MAGED2: variants seen among roughly 807,000 people sequenced by gnomAD.
MAGED2 encodes the protein melanoma-associated antigen D2.
A neutral mutation model predicts 41.7 loss-of-function variants in MAGED2; 6 were observed. The ratio of observed to expected loss-of-function variants is 0.14; its 90% CI spans 0.08 to 0.28. The LOEUF is 0.28. Ranked by LOEUF, MAGED2 falls within the 10% of genes least tolerant of loss-of-function variation. MAGED2 has a pLI of 1.00. For synonymous variants in MAGED2, 146 were observed against 178.2 expected, an observed-to-expected ratio of 0.82 and a Z score of 1.44; for missense variants, 343 against 486.4, an observed-to-expected ratio of 0.71 and a Z score of 2.77.
At chrX:54,809,486 T>C (rs1356264277) in intron 2 of MAGED2, 110 bp downstream of exon 2, 2 of 928,681 alleles carry the variant, frequency 2.2e-6, no homozygotes, top group East Asian at 3.1e-5. Context: ...TCCACCTACT[T>C]TCCTGCCTGG....
In MAGED2 at chrX:54,810,870, C is replaced by T. The variant is rs1436015381; in HGVS notation, c.587C>T (p.Ala196Val). The T allele has an allele frequency of 5.0e-6, 6 of 1,196,718 alleles. No individual in the cohort carries two copies. The highest frequency in any genetic ancestry group is 2.3e-5 in the Admixed American group (1 of 44,200). The change falls in exon 4 of 13, where the codon GCT becomes GTT. Residue 196 changes from alanine to valine, a missense_variant. Physicochemically the swap from Ala to Val is moderately conservative, Grantham distance 64. This residue lies in a region of MAGED2 where 195 missense variants were observed against 221.2 expected (regional missense o/e 0.88). Transcript: ENST00000375068. ...EEDGSSDQSQ[A>V]SGTTGGRRVS... is the part of the protein sequence containing the mutation. ...GATGGCAGCAGTGATCAGAGTCAGGCTTCTGGAACCACAGGTGGCCGAAGG... is the reference window on the plus strand; with the variant it reads ...GATGGCAGCAGTGATCAGAGTCAGGTTTCTGGAACCACAGGTGGCCGAAGG...
Position 54,810,998 on chromosome X carries a change from C to T in MAGED2, c.715C>T (p.Arg239Trp), listed in dbSNP as rs754520173. 3.3e-6 allele frequency: 4 copies of T among 1,200,727 alleles called. No individual in the cohort carries two copies. Among genetic ancestry groups the T allele is most frequent in the South Asian group, 1.8e-5 (1 of 55,470 alleles). ...AAGGACTCGGTTGGCTGCTTGGGCC[C>T]GGAGAGCCTTGCTCTCCCTGAGATC... ...ASRTRLAAWA[R>W]RALLSLRSPK... Residue 239 changes from arginine to tryptophan, a missense_variant, in exon 4 of 13, where the codon CGG becomes TGG. Transcript: ENST00000375068.
At chrX:54,809,462 C>A (rs1929728782) in intron 2 of MAGED2, 86 bp downstream of exon 2, 1 of 971,552 alleles carries the variant, frequency 1.0e-6, no homozygotes, top group Admixed American at 2.2e-5. Flanking sequence ...CTTCCCCTCC[C>A]ATCCTTGTCC....
chrX:54,812,003 C>T (rs916818750), intron 6 of MAGED2, among the ~76,000 whole-genome samples, 154 bp from the exon 7 acceptor site: 5 of 111,888 alleles, frequency 4.5e-5, no homozygotes, highest in South Asian at 7.5e-4. Context: ...ACATTTGCAG[C>T]GTGTTTACCG....
In MAGED2 at chrX:54,813,525, A is replaced by G; in HGVS notation, c.1246A>G (p.Ile416Val). The change falls in exon 10 of 13, where the codon ATC becomes GTC. Residue 416 changes from isoleucine to valine, a missense_variant. Transcript: ENST00000375068. Reference protein sequence around the residue: ...HSLFGDVKKLITDEFVKQKYL... With the variant: ...HSLFGDVKKLVTDEFVKQKYL... ...ACTCTTTGGGGACGTGAAGAAGCTC[A>G]TCACTGATGAGTTTGTGAAGCAGAA... 1 of 1,208,428 alleles carries G rather than the reference A, an allele frequency of 8.3e-7. No homozygotes were observed. The highest frequency in any genetic ancestry group is 1.1e-6 in the Non-Finnish European group (1 of 892,364).
chrX:54,812,370 C>T, intron 7 of MAGED2, 119 bp downstream of exon 7: 1 of 446,190 alleles, frequency 2.2e-6, no homozygotes, highest in Non-Finnish European at 3.9e-6. Context: ...GTCTCAAAAG[C>T]CCCGTCCCAG....
Position 54,814,757 on chromosome X carries a change from C to G in MAGED2, c.1368C>G (p.Val456=). ...ACTATGAGACCAGCAAGATGAAAGT[C>G]CTCAAGTTTGCCTGCAAGGTAATTG... The part of the protein sequence containing the change: ...RSYYETSKMK[V]LKFACKVQKK... The change falls in exon 11 of 13, where the codon GTC becomes GTG. Residue 456 remains valine (V), a synonymous_variant. Transcript: ENST00000375068. The G allele has an allele frequency of 8.3e-7, 1 of 1,209,182 alleles. No homozygotes were observed. The highest frequency in any genetic ancestry group is 3.0e-5 in the East Asian group (1 of 33,840).
At position 54,813,037 on chromosome X, in the gene MAGED2, G is replaced by A. The variant is rs1216331551; in HGVS notation, c.1165+13G>A. ...CGGTCCAGTGAGGGTGAGTGGCTGG[G>A]CTTGCAGCTGAATGGGTGGCTGTGG... On this transcript the variant is annotated intron_variant, in intron 8 of 12. Coordinates refer to ENST00000375068, the MANE Select transcript of MAGED2 (RefSeq NM_177433.3). 1 of 1,211,710 alleles carries A rather than the reference G, an allele frequency of 8.3e-7. No homozygotes were observed. The highest frequency in any genetic ancestry group is 2.2e-5 in the Admixed American group (1 of 46,129).
chrX:54,813,226 G>T, intron 9 of MAGED2, 66 bp downstream of exon 9: 1 of 1,203,146 alleles, frequency 8.3e-7, no homozygotes, highest in Admixed American at 2.2e-5. Context: ...ACGGTCCTAG[G>T]ATTGCATCAG....
At chrX:54,812,085 G>A (rs1929825542) in intron 6 of MAGED2, 72 bp from the exon 7 acceptor site, 2 of 602,443 alleles carry the variant, frequency 3.3e-6, no homozygotes, top group Non-Finnish European at 5.7e-6. Flanking sequence ...AAACTCCTAG[G>A]TACATAGGGA....
Position 54,811,461 on chromosome X carries a change from C to A in MAGED2, c.911-113C>A, listed in dbSNP as rs1054348695. 5 of 888,849 alleles carry A rather than the reference C, an allele frequency of 5.6e-6. No homozygotes were observed. The African/African-American group carries it at 5.9e-5, about 10-fold the overall frequency. 73.3% of individuals were successfully genotyped at this position (888,849 alleles called of 1,213,427 possible). ...CAGTGCTAGCATCTCTGTTGATAAG[C>A]ACAGAACCGGGTTATGCCACCCTTG... On this transcript the variant is annotated intron_variant, in intron 5 of 12. Coordinates refer to ENST00000375068, the MANE Select transcript of MAGED2 (RefSeq NM_177433.3).
At chrX:54,810,439 G>C (rs1929766690) in intron 3 of MAGED2, among the ~76,000 whole-genome samples, 2 of 112,218 alleles carry the variant, frequency 1.8e-5, no homozygotes, top group African/African-American at 6.5e-5. Flanking sequence ...ATTAGGCCTT[G>C]AGCTAAGCAC....
At chrX:54,811,199 A>G in intron 4 of MAGED2, 51 bp from the exon 5 acceptor site, 1 of 1,198,947 alleles carries the variant, frequency 8.3e-7, no homozygotes, top group South Asian at 1.8e-5. Context: ...CCATCGTCTC[A>G]AGTTTTCTGC....
intron 10 of MAGED2, among the ~76,000 whole-genome samples, chrX:54,813,929 G>C (rs940786180): frequency 8.9e-6 from 1 of 112,515 alleles, no homozygotes; most frequent in African/African-American, 3.2e-5. Context: ...CTGCTAACTA[G>C]AGCTTCATAG....
In MAGED2 at chrX:54,815,929, A is replaced by G. The variant is rs1470671536; in HGVS notation, c.*57A>G. The G allele has an allele frequency of 2.6e-6, 1 of 381,202 alleles. No individual in the cohort carries two copies. Among genetic ancestry groups the G allele is most frequent in the East Asian group, 4.3e-5 (1 of 23,497 alleles). 31.4% of individuals were successfully genotyped at this position (381,202 alleles called of 1,213,427 possible). On this transcript the variant is annotated 3_prime_UTR_variant, in exon 13 of 13. Transcript: ENST00000375068. ...TCTCTTCAAGCCAGGGTGCATCCTCAGAAACCTACTCAACACAGCACTCTA... is the reference window on the plus strand; with the variant it reads ...TCTCTTCAAGCCAGGGTGCATCCTCGGAAACCTACTCAACACAGCACTCTA...
chrX:54,813,175 T>C lies in MAGED2; in HGVS notation c.1208+15T>C. 1.7e-6 allele frequency: 2 copies of C among 1,210,971 alleles called. No individual in the cohort carries two copies. The highest frequency in any genetic ancestry group is 2.2e-6 in the Non-Finnish European group (2 of 895,586). ...CTGCGCCCTGGGTATGATTGGGCTC[T>C]CTCAGCGCTTGCTGTCCGTGTTGTC... is the stretch of plus-strand genomic sequence containing the variant. On this transcript the variant is annotated intron_variant, in intron 9 of 12. Transcript: ENST00000375068.
chrX:54,814,766 T>C lies in MAGED2; in HGVS notation c.1377T>C (p.Phe459=). Residue 459 remains phenylalanine (F), a synonymous_variant, in exon 11 of 13, where the codon TTT becomes TTC. Transcript: ENST00000375068. ...CCAGCAAGATGAAAGTCCTCAAGTT[T>C]GCCTGCAAGGTAATTGGAGAGCTCC... is the stretch of plus-strand genomic sequence containing the variant. The part of the protein sequence containing the change: ...YETSKMKVLK[F]ACKVQKKDPK... The C allele has an allele frequency of 8.3e-7, 1 of 1,205,543 alleles. No individual in the cohort carries two copies. Among genetic ancestry groups the C allele is most frequent in the Non-Finnish European group, 1.1e-6 (1 of 889,784 alleles).
At chrX:54,811,696 T>C (rs763636667) in intron 6 of MAGED2, 43 bp downstream of exon 6, 1 of 980,797 alleles carries the variant, frequency 1.0e-6, no homozygotes, top group Non-Finnish European at 1.4e-6. Flanking sequence ...GGGGAAGCCT[T>C]GAATTGAACA....
chrX:54,811,270 C>T lies in MAGED2; in HGVS notation c.867C>T (p.Tyr289=). 10 of 1,211,519 alleles carry T rather than the reference C, an allele frequency of 8.3e-6. No individual in the cohort carries two copies. The highest frequency in any genetic ancestry group is 1.1e-5 in the Non-Finnish European group (10 of 895,084). Residue 289 remains tyrosine (Y), a synonymous_variant, in exon 5 of 13, where the codon TAC becomes TAT. Coordinates refer to ENST00000375068, the MANE Select transcript of MAGED2 (RefSeq NM_177433.3). The part of the protein sequence containing the change: ...LQGRANDLVK[Y]LLAKDQTKIP... ...GCCAGGCAAATGATTTGGTGAAGTA[C>T]CTTTTGGCTAAAGACCAGACGAAGA... is the stretch of plus-strand genomic sequence containing the variant.
Sources: allele counts gnomAD v4.1 joint callset (sites outside exome capture counted in the v4.1 genomes callset), GRCh38; gene constraint gnomAD v4.1.1; regional missense constraint gnomAD v4.1.1; transcripts MANE v1.5; gene names NCBI Gene and HGNC (gene_info 2026-07-23, HGNC 2026-07-21).